The following DZANK1 variants were observed in gnomAD, a reference collection of about 807,000 sequenced individuals.
The protein encoded by DZANK1 is double zinc ribbon and ankyrin repeat domains 1, also known as double zinc ribbon and ankyrin repeat-containing protein 1.
Under a neutral mutation model 94.5 loss-of-function variants are expected in DZANK1, and 91 were observed. That is an observed-to-expected ratio of 0.96 (90% confidence interval 0.81 to 1.15). The LOEUF is 1.15. Ranked by LOEUF, DZANK1 falls within the 50% of genes most tolerant of loss-of-function variation. The probability of loss-of-function intolerance (pLI) is 0.00; values close to 1 mark genes in which losing one functional copy is unlikely to be tolerated. For synonymous variants in DZANK1, 312 were observed against 325.3 expected (o/e 0.96, Z 0.44); for missense variants, 903 against 916.4 (o/e 0.99, Z 0.19).
At chr20:18,465,137 C>CA (rs2059599907) in intron 2 of DZANK1, 113 bp downstream of exon 2, 2 of 696,448 alleles carry the variant, frequency 2.9e-6, no homozygotes, top group Admixed American at 3.0e-5. Context: ...ACAAATTTCC[C>CA]AAAAAGCTGA....
At chr20:18,413,650 C>T (rs894522418) in intron 12 of DZANK1, among the ~76,000 whole-genome samples, 9 of 151,994 alleles carry the variant, frequency 5.9e-5, no homozygotes, top group Non-Finnish European at 1.0e-4. Context: ...CATGGTGGCA[C>T]GGGCCTGTAA....
chr20:18,436,381 T>C (rs1206641784), intron 8 of DZANK1, among the ~76,000 whole-genome samples: 2 of 149,158 alleles, frequency 1.3e-5, no homozygotes, highest in Admixed American at 6.7e-5. Flanking sequence ...GAGGCGGAGC[T>C]TGCAGTGAGC....
chr20:18,389,792 G>A lies in DZANK1; in HGVS notation c.1927C>T (p.Pro643Ser), dbSNP rs755385301. The change falls in exon 19 of 21, where the codon CCC becomes TCC. Residue 643 changes from proline (P) to serine (S), a missense_variant. Physicochemically the swap from Pro to Ser is moderately conservative, Grantham distance 74 (BLOSUM62 -1). Coordinates refer to ENST00000262547, the Ensembl canonical transcript of DZANK1. ...TTCATAACAGCCACGGTTATGACGG[G>A]TCGATTGTCTTCATCACAGCAGTTG... 7 of 1,613,998 alleles carry A rather than the reference G, an allele frequency of 4.3e-6. No homozygotes were observed. The Admixed American group carries it at 1.2e-4, about 27-fold the overall frequency.
chr20:18,396,616 C>A, intron 14 of DZANK1, 70 bp from the exon 15 acceptor site: 1 of 1,094,312 alleles, frequency 9.1e-7, no homozygotes, highest in Non-Finnish European at 1.3e-6. Flanking sequence ...TAACAGTGTA[C>A]AAATTCTGAG....
intron 9 of DZANK1, among the ~76,000 whole-genome samples, chr20:18,431,950 A>G (rs1332584560): frequency 1.3e-5 from 2 of 152,232 alleles, no homozygotes; most frequent in Admixed American, 6.5e-5. Flanking sequence ...TTATCAAATT[A>G]TTCCTATTAT....
chr20:18,401,517 G>T lies in DZANK1; in HGVS notation c.1433-2891C>A, dbSNP rs2025859. Among the ~76,000 whole-genome samples the T allele has an allele frequency of 2.4e-3, 367 of 152,310 alleles. 5 individuals are homozygous for T. Among genetic ancestry groups the T allele is most frequent in the Admixed American group, 0.02 (307 of 15,304 alleles). On this transcript the variant is annotated intron_variant, in intron 13 of 20. Transcript: ENST00000262547. ...ATATGGTCAATGCTCTGCAGGGACG[G>T]TTCATCTCTGCTCCACATGGTGTCA...
At chr20:18,396,636 T>A in intron 14 of DZANK1, 90 bp from the exon 15 acceptor site, 1 of 876,590 alleles carries the variant, frequency 1.1e-6, no homozygotes, top group Non-Finnish European at 1.8e-6. Flanking sequence ...GATGTCAAAC[T>A]CTAAATTTAA....
chr20:18,417,963 G>A (rs1180022205), intron 10 of DZANK1, among the ~76,000 whole-genome samples: 2 of 152,100 alleles, frequency 1.3e-5, no homozygotes, highest in Non-Finnish European at 2.9e-5. Flanking sequence ...GCACATGCTT[G>A]TAATCCCAGC....
In DZANK1 at chr20:18,441,223, G is replaced by T; in HGVS notation, c.747+2124C>A. Reference sequence around the variant, plus strand: ...CACAATCAGCCACAGGTGACAGCCTGATTAACTGTGATGCCCCCTCATGCT... The same window carrying T: ...CACAATCAGCCACAGGTGACAGCCTTATTAACTGTGATGCCCCCTCATGCT... On this transcript the variant is annotated intron_variant, in intron 8 of 20. Transcript: ENST00000262547. The surrounding 1 kb of genome is among the most constrained non-coding windows in gnomAD (Gnocchi z 4.1). Among the ~76,000 whole-genome samples the T allele has an allele frequency of 6.6e-6, 1 of 152,152 alleles. No homozygotes were observed. Among genetic ancestry groups the T allele is most frequent in the East Asian group, 1.9e-4 (1 of 5,190 alleles).
exon 5 of DZANK1, chr20:18,453,778 T>C (rs1975279232): frequency 6.2e-7 from 1 of 1,612,890 alleles, no homozygotes; most frequent in Non-Finnish European, 8.5e-7. Flanking sequence ...ATTTTCAGAG[T>C]TCTTATATTT....
At chr20:18,443,693 A>G (rs1020485681) in intron 7 of DZANK1, among the ~76,000 whole-genome samples, 2 of 152,288 alleles carry the variant, frequency 1.3e-5, no homozygotes, top group South Asian at 4.1e-4. Context: ...TGCGTAGGCC[A>G]AGTCCATATA....
chr20:18,393,812 C>T lies in DZANK1; in HGVS notation c.1709-1G>A. 2 of 1,604,380 alleles carry T rather than the reference C, an allele frequency of 1.2e-6. No homozygotes were observed. The highest frequency in any genetic ancestry group is 1.7e-6 in the Non-Finnish European group (2 of 1,173,548). ...GAGGTACTCTGGCTGTAGTCACTCA[C>T]TGAAATGACACAGTTGGGGAAAAAA... On this transcript the variant is annotated splice_acceptor_variant, in intron 16 of 20. Coordinates refer to ENST00000262547, the Ensembl canonical transcript of DZANK1. LOFTEE classifies it high-confidence loss of function.
intron 2 of DZANK1, among the ~76,000 whole-genome samples, chr20:18,460,569 A>C (rs1018010947): frequency 2.0e-5 from 3 of 152,130 alleles, no homozygotes; most frequent in Non-Finnish European, 4.4e-5. Flanking sequence ...CTCTACTAAA[A>C]ATACAAAAAA....
chr20:18,463,383 A>G (rs1418514945), intron 2 of DZANK1, among the ~76,000 whole-genome samples: 1 of 152,166 alleles, frequency 6.6e-6, no homozygotes, highest in Admixed American at 6.6e-5. Flanking sequence ...CTGAAAACCT[A>G]CAGCAATGCT....
Position 18,444,823 on chromosome 20 carries a change from C to T in DZANK1, c.630-1359G>A, listed in dbSNP as rs189589054. On this transcript the variant is annotated intron_variant, in intron 7 of 20. Coordinates refer to ENST00000262547, the Ensembl canonical transcript of DZANK1. ...GTTTATTTATTTATTTATTTAGAGA[C>T]GGAGTCTTGCTCTGTCGCCCAGATT... Among the ~76,000 whole-genome samples the T allele has an allele frequency of 2.2e-3, 330 of 152,218 alleles. 2 individuals are homozygous for T. The highest frequency in any genetic ancestry group is 7.3e-3 in the African/African-American group (305 of 41,526).
rs1190526880 is a variant in DZANK1 at position 18,438,851 on chromosome 20, A to T, written c.747+4496T>A. Among the ~76,000 whole-genome samples, 3 of 152,310 alleles carry T rather than the reference A, an allele frequency of 2.0e-5. No homozygotes were observed. In the East Asian group the frequency reaches 5.8e-4, roughly 29 times the overall value. Reference sequence around the variant, plus strand: ...TGTGTCTTCATATGGTGGAAGGCAAACAAGCTCCTTTGAGCCTCTCTTATA... The same window carrying T: ...TGTGTCTTCATATGGTGGAAGGCAATCAAGCTCCTTTGAGCCTCTCTTATA... On this transcript the variant is annotated intron_variant, in intron 8 of 20. Coordinates refer to ENST00000262547, the Ensembl canonical transcript of DZANK1.
chr20:18,389,549 C>T (rs866053537), intron 19 of DZANK1, among the ~76,000 whole-genome samples, 152 bp downstream of exon 19: 12 of 152,198 alleles, frequency 7.9e-5, no homozygotes, highest in South Asian at 2.1e-4. Flanking sequence ...AAACAGAAGG[C>T]GTTAAGCCTC....
intron 9 of DZANK1, 82 bp downstream of exon 9, chr20:18,433,570 C>T: frequency 1.5e-6 from 2 of 1,324,100 alleles, no homozygotes; most frequent in Non-Finnish European, 2.1e-6. Context: ...TTACCCCATC[C>T]CACTAGCTGA....
rs1351583184 is a variant in DZANK1, at chr20:18,460,308, T to C, written c.110-2A>G. 14 of 1,510,710 alleles carry C rather than the reference T, an allele frequency of 9.3e-6. No homozygotes were observed. In the African/African-American group the frequency reaches 1.9e-4, roughly 21 times the overall value. The allele number at this position is 1,510,710 out of a possible 1,614,324, so 93.6% of individuals were successfully genotyped here. Reference sequence around the variant, plus strand: ...AATATATGTTGACATCTGGAGTGTCTGAAAAATCCAAAACAGGATAACTAT... The same window carrying C: ...AATATATGTTGACATCTGGAGTGTCCGAAAAATCCAAAACAGGATAACTAT... On this transcript the variant is annotated splice_acceptor_variant, in intron 2 of 20. Coordinates refer to ENST00000262547, the Ensembl canonical transcript of DZANK1. LOFTEE classifies it high-confidence loss of function.
Sources: allele counts gnomAD v4.1 joint callset (sites outside exome capture counted in the v4.1 genomes callset), GRCh38; gene constraint gnomAD v4.1.1; non-coding constraint Gnocchi (gnomAD v3.1); transcripts MANE v1.5; gene names NCBI Gene and HGNC (gene_info 2026-07-23, HGNC 2026-07-21).